MYO6: variants seen among roughly 807,000 people sequenced by gnomAD.
MYO6 encodes myosin VI, also known as unconventional myosin-VI.
In MYO6, 74 loss-of-function variants were observed where a neutral mutation model predicts 178.7. The observed-to-expected ratio is 0.41, with a 90% confidence interval of 0.34 to 0.50. MYO6 has a LOEUF of 0.50. Among genes scored for constraint, MYO6 ranks in the 20% least tolerant of loss-of-function variants. The pLI, the probability that MYO6 is intolerant of heterozygous loss-of-function variation, is 0.09. For synonymous variants in MYO6, 477 were observed against 504.6 expected (o/e 0.95, Z 0.73); for missense variants, 1,330 against 1,547.4 (o/e 0.86, Z 2.36).
At chr6:75,799,773 A>G (rs922175707) in intron 1 of MYO6, among the ~76,000 whole-genome samples, 2 of 152,102 alleles carry the variant, frequency 1.3e-5, no homozygotes, top group African/African-American at 4.8e-5. Flanking sequence ...GGAAAAGATG[A>G]GAAGGAGAGG....
chr6:75,768,903 G>A (rs1778675726), intron 1 of MYO6, among the ~76,000 whole-genome samples: 1 of 152,184 alleles, frequency 6.6e-6, no homozygotes, highest in African/African-American at 2.4e-5. Flanking sequence ...TAGAAGCATG[G>A]TACCAGCATC....
At chr6:75,907,536 C>A (rs573906357) in intron 30 of MYO6, 69 bp from the exon 31 acceptor site, 53 of 1,249,330 alleles carry the variant, frequency 4.2e-5, no homozygotes, top group South Asian at 9.7e-5. Context: ...TGCATGCTTT[C>A]TTGCCTCTTT....
intron 18 of MYO6, 150 bp downstream of exon 18, chr6:75,867,255 C>A: frequency 1.5e-6 from 1 of 651,166 alleles, no homozygotes; most frequent in Non-Finnish European, 2.6e-6. Context: ...TGTAAAATAT[C>A]ATAATGTAGG....
Position 75,891,286 on chromosome 6 carries a change from G to T in MYO6, c.2926G>T (p.Asp976Tyr), listed in dbSNP as rs201168408. The part of the protein sequence containing the change: ...QEEEERKKRE[D>Y]DEKRIQAEVE... ...AGAAGAAGAGAGAAAGAAAAGGGAA[G>T]ATGATGAAAAACGCATTCAAGTATG... is the stretch of plus-strand genomic sequence containing the variant. The change falls in exon 27 of 35, where the codon GAT becomes TAT. Residue 976 changes from aspartate to tyrosine, a missense_variant. Around this residue, in one of 3 missense-constraint regions of MYO6, gnomAD observed 601 missense variants for 626.1 expected, o/e 0.96. Transcript: ENST00000369977. 2.4e-5 allele frequency: 38 copies of T among 1,608,594 alleles called. No homozygotes were observed. Among genetic ancestry groups the T allele is most frequent in the Non-Finnish European group, 3.1e-5 (36 of 1,176,558 alleles).
intron 1 of MYO6, among the ~76,000 whole-genome samples, chr6:75,751,430 T>C (rs1562104798): frequency 6.6e-6 from 1 of 152,158 alleles, no homozygotes; most frequent in Non-Finnish European, 1.5e-5. Flanking sequence ...AAACTATATA[T>C]GATATACATA....
At chr6:75,750,096 C>CG (rs1776724462) in intron 1 of MYO6, among the ~76,000 whole-genome samples, 1 of 114,650 alleles carries the variant, frequency 8.7e-6, no homozygotes, top group Admixed American at 1.1e-4. Context: ...AAATTCATTA[C>CG]CTTTTTTTTT....
intron 1 of MYO6, among the ~76,000 whole-genome samples, chr6:75,780,228 G>A (rs1583049437): frequency 6.6e-6 from 1 of 152,182 alleles, no homozygotes; most frequent in Admixed American, 6.5e-5. Flanking sequence ...ATCATCTGAG[G>A]TCAGGAGTTC....
intron 12 of MYO6, among the ~76,000 whole-genome samples, chr6:75,856,770 G>A (rs529573923): frequency 1.3e-5 from 2 of 152,216 alleles, no homozygotes; most frequent in South Asian, 4.1e-4. Flanking sequence ...ATTAAACACT[G>A]TTTCCTTTGC....
At chr6:75,883,432 A>G (rs1421898708) in intron 23 of MYO6, among the ~76,000 whole-genome samples, 1 of 152,132 alleles carries the variant, frequency 6.6e-6, no homozygotes, top group African/African-American at 2.4e-5. Flanking sequence ...CTTGGAGAAT[A>G]TGTTCATATT....
chr6:75,838,007 T>C (rs1025662298), intron 7 of MYO6, among the ~76,000 whole-genome samples: 18 of 152,020 alleles, frequency 1.2e-4, no homozygotes, highest in African/African-American at 4.3e-4. Context: ...TAGTGTGTTA[T>C]AGTGGAGACA....
At chr6:75,761,709 T>C (rs1300391913) in intron 1 of MYO6, among the ~76,000 whole-genome samples, 1 of 152,054 alleles carries the variant, frequency 6.6e-6, no homozygotes, top group African/African-American at 2.4e-5. Context: ...TTTCTGGAAC[T>C]GGCCCAGAAT....
chr6:75,816,852 G>A, intron 1 of MYO6, among the ~76,000 whole-genome samples: 1 of 152,088 alleles, frequency 6.6e-6, no homozygotes, highest in Non-Finnish European at 1.5e-5. Context: ...GGAGCAAAAA[G>A]GAGTGCTGGT....
At position 75,835,243 on chromosome 6, in the gene MYO6, A is replaced by G. The variant is rs530757554; in HGVS notation, c.498-658A>G. 5.9e-5 allele frequency among the ~76,000 whole-genome samples: 9 copies of G among 152,332 alleles called. 1 individual carries two copies. The South Asian group carries it at 1.2e-3, about 21-fold the overall frequency. On this transcript the variant is annotated intron_variant, in intron 6 of 34. Coordinates refer to ENST00000369977, the MANE Select transcript of MYO6 (RefSeq NM_004999.4). The stretch of plus-strand genomic sequence containing the variant: ...TGGATAAAATCAGAACATTCCCAAA[A>G]CAATTTAAAAAACAATGTCAATTAG...
chr6:75,808,734 A>G (rs1770363072), intron 1 of MYO6, among the ~76,000 whole-genome samples: 1 of 152,222 alleles, frequency 6.6e-6, no homozygotes, highest in Non-Finnish European at 1.5e-5. Context: ...ACTCAGCCAC[A>G]GGAGGTTCTG....
intron 30 of MYO6, among the ~76,000 whole-genome samples, chr6:75,905,306 C>A (rs1009266090): frequency 1.3e-5 from 2 of 152,172 alleles, no homozygotes; most frequent in African/African-American, 2.4e-5. Context: ...CAATGGCGGG[C>A]GCCCCTCCCC....
chr6:75,809,284 CA>C (rs1291533432), intron 1 of MYO6, among the ~76,000 whole-genome samples: 1 of 152,142 alleles, frequency 6.6e-6, no homozygotes, highest in East Asian at 1.9e-4. Context: ...ACAGGATTTA[CA>C]GCCAAGGAAC....
intron 1 of MYO6, among the ~76,000 whole-genome samples, chr6:75,808,261 G>C (rs1172740180): frequency 6.6e-6 from 1 of 152,184 alleles, no homozygotes. Context: ...TCTGACGTCA[G>C]TGTGTCACCG....
At chr6:75,850,354 A>T (rs144709279) in intron 11 of MYO6, among the ~76,000 whole-genome samples, 69 of 152,328 alleles carry the variant, frequency 4.5e-4, no homozygotes, top group African/African-American at 1.5e-3. Flanking sequence ...TAATCTGTAT[A>T]TCATAAATAT....
Position 75,914,175 on chromosome 6 carries a change from C to T in MYO6, c.3552C>T (p.Asp1184=). ...PFIRPADQYK[D]PQSKKKGWWY... ...TCCGCCCTGCCGACCAGTACAAAGACCCTCAGAGTAAGAAAAAAGGCTGGT... is the reference window on the plus strand; with the variant it reads ...TCCGCCCTGCCGACCAGTACAAAGATCCTCAGAGTAAGAAAAAAGGCTGGT... Residue 1184 remains aspartate, a synonymous_variant, in exon 34 of 35, where the codon GAC becomes GAT. Coordinates refer to ENST00000369977, the MANE Select transcript of MYO6 (RefSeq NM_004999.4). The T allele has an allele frequency of 6.2e-7, 1 of 1,614,110 alleles. No individual in the cohort carries two copies. The highest frequency in any genetic ancestry group is 1.3e-5 in the African/African-American group (1 of 75,022).
Sources: allele counts gnomAD v4.1 joint callset (sites outside exome capture counted in the v4.1 genomes callset), GRCh38; gene constraint gnomAD v4.1.1; regional missense constraint gnomAD v4.1.1; transcripts MANE v1.5; gene names NCBI Gene and HGNC (gene_info 2026-07-23, HGNC 2026-07-21).